Variants in LYST observed in about 807,000 individuals in gnomAD.
The protein encoded by LYST is lysosomal-trafficking regulator.
Under a neutral mutation model 413.6 loss-of-function variants are expected in LYST, and 192 were observed. The ratio of observed to expected loss-of-function variants is 0.46; its 90% CI spans 0.41 to 0.52. The LOEUF (loss-of-function observed/expected upper bound fraction) is 0.52, where lower values mean the gene tolerates loss of function less well. LYST is among the 20% of genes least tolerant of loss of function. The pLI is 0.00. For synonymous variants in LYST, 1,525 were observed against 1,567.3 expected, an observed-to-expected ratio of 0.97 and a Z score of 0.64; for missense variants, 3,815 against 4,499.9, an observed-to-expected ratio of 0.85 and a Z score of 4.35.
At chr1:235,712,848 A>G in intron 42 of LYST, 1 of 985,196 alleles carries the variant, frequency 1.0e-6, no homozygotes, top group South Asian at 4.7e-5. Flanking sequence ...ATAAAGAATT[A>G]AGTTTGGACT....
At chr1:235,751,129 A>T in intron 28 of LYST, 81 bp downstream of exon 28, 2 of 1,311,662 alleles carry the variant, frequency 1.5e-6, no homozygotes, top group African/African-American at 1.4e-5. Context: ...GAAATATTTT[A>T]AAAGTGTGAA....
intron 22 of LYST, among the ~76,000 whole-genome samples, chr1:235,761,132 T>C (rs1387087668): frequency 2.0e-5 from 3 of 151,976 alleles, no homozygotes; most frequent in African/African-American, 2.4e-5. Context: ...GGAAAACTAA[T>C]AAAAACATAG....
chr1:235,836,829 C>T (rs777533850), intron 1 of LYST, among the ~76,000 whole-genome samples: 10 of 152,074 alleles, frequency 6.6e-5, no homozygotes, highest in African/African-American at 2.2e-4. Flanking sequence ...GGGAAAATAA[C>T]GTTCAGTTTT....
chr1:235,872,295 CAAAAAAAA>C (rs3077214), intron 1 of LYST, among the ~76,000 whole-genome samples: 6 of 107,670 alleles, frequency 5.6e-5, no homozygotes, highest in South Asian at 3.0e-4. Context: ...CATTCTGTCT[CAAAAAAAA>C]AAAAAAAAAA....
At chr1:235,845,408 G>T (rs182316335) in intron 1 of LYST, among the ~76,000 whole-genome samples, 5 of 152,266 alleles carry the variant, frequency 3.3e-5, no homozygotes, top group African/African-American at 1.2e-4. Flanking sequence ...GGCTAGAGGA[G>T]CAGGGGGTAA....
At chr1:235,750,965 GT>G (rs944909559) in intron 28 of LYST, among the ~76,000 whole-genome samples, 11 of 152,164 alleles carry the variant, frequency 7.2e-5, no homozygotes, top group African/African-American at 2.6e-4. Flanking sequence ...ATCTGTGTCT[GT>G]TTTTTTCATC....
intron 11 of LYST, 97 bp downstream of exon 11, chr1:235,793,406 C>T: frequency 3.1e-6 from 2 of 637,182 alleles, no homozygotes; most frequent in Non-Finnish European, 2.8e-6. Context: ...AAAGAAAGAG[C>T]TTAGTAACAT....
In LYST at chr1:235,661,965, A is replaced by G. The variant is rs1176614799; in HGVS notation, c.*975T>C. The stretch of plus-strand genomic sequence containing the variant: ...AAACAGAATGAAATGGTTTCCTAAA[A>G]GAATTATTCTGCCTCCTGTTTAAAG... On this transcript the variant is annotated 3_prime_UTR_variant, in exon 53 of 53. Transcript: ENST00000389793. 6.6e-6 allele frequency: 1 copy of G among 152,252 alleles called. No individual in the cohort carries two copies. Among genetic ancestry groups the G allele is most frequent in the Non-Finnish European group, 1.5e-5 (1 of 68,040 alleles). 9.4% of individuals were successfully genotyped at this position (152,252 alleles called of 1,614,324 possible). A position where few individuals can be genotyped will look rare whatever the true frequency, so the allele number is the denominator to read the frequency against.
chr1:235,782,055 G>C lies in LYST; in HGVS notation c.4895C>G (p.Pro1632Arg). The change falls in exon 15 of 53, where the codon CCA (proline) becomes CGA (arginine). Residue 1632 changes from proline to arginine, a missense_variant. Around this residue, in one of 4 missense-constraint regions of LYST, gnomAD observed 530 missense variants for 696.5 expected, o/e 0.76. Transcript: ENST00000389793. ...ATCAGATGACAAACTTGTTTTTCTTGGAAGCATAAAATCCAAAGTAACATC... is the reference window on the plus strand; with the variant it reads ...ATCAGATGACAAACTTGTTTTTCTTCGAAGCATAAAATCCAAAGTAACATC... Reference protein sequence around the residue: ...KPDVTLDFMLPRKTSLSSDSN... With the variant: ...KPDVTLDFMLRRKTSLSSDSN... 6.2e-7 allele frequency: 1 copy of C among 1,612,566 alleles called. No homozygotes were observed. Among genetic ancestry groups the C allele is most frequent in the Non-Finnish European group, 8.5e-7 (1 of 1,178,860 alleles).
intron 1 of LYST, among the ~76,000 whole-genome samples, chr1:235,857,050 A>C (rs943471445): frequency 1.7e-4 from 26 of 149,530 alleles, no homozygotes; most frequent in African/African-American, 5.9e-4. Flanking sequence ...GGTTCAAGCG[A>C]TTCTCATGCC....
chr1:235,805,628 AATAT>A lies in LYST; in HGVS notation c.3393+111_3393+114del, dbSNP rs59550727. 383 of 353,782 alleles carry A rather than the reference AATAT, an allele frequency of 1.1e-3. 1 individual carries two copies. Among genetic ancestry groups the A allele is most frequent in the African/African-American group, 7.7e-3 (356 of 46,442 alleles). 21.9% of individuals were successfully genotyped at this position (353,782 alleles called of 1,614,324 possible). ...TATTATATGTTATATATAACACAATAATATATATATTACATATATTATGTAATAC... is the reference window on the plus strand; with the variant it reads ...TATTATATGTTATATATAACACAATAATATATTACATATATTATGTAATAC... On this transcript the variant is annotated intron_variant, in intron 6 of 52. Coordinates refer to ENST00000389793, the MANE Select transcript of LYST (RefSeq NM_000081.4).
At chr1:235,787,483 C>G (rs751733054) in intron 13 of LYST, 110 bp from the exon 14 acceptor site, 5 of 963,718 alleles carry the variant, frequency 5.2e-6, no homozygotes, top group Non-Finnish European at 8.1e-6. Context: ...AAAATCAGTT[C>G]TATTTTTTTT....
intron 20 of LYST, 37 bp downstream of exon 20, chr1:235,770,123 G>A (rs754095504): frequency 2.5e-6 from 4 of 1,604,200 alleles, no homozygotes; most frequent in Non-Finnish European, 3.4e-6. Flanking sequence ...AACAACTGTG[G>A]AATATATTTC....
intron 47 of LYST, among the ~76,000 whole-genome samples, chr1:235,692,680 A>G (rs1324006992): frequency 1.3e-5 from 2 of 151,790 alleles, no homozygotes; most frequent in African/African-American, 4.8e-5. Flanking sequence ...CACTGTGCCC[A>G]GCCAGTCTGA....
chr1:235,792,213 A>C, intron 11 of LYST, 88 bp from the exon 12 acceptor site: 1 of 834,334 alleles, frequency 1.2e-6, no homozygotes, highest in South Asian at 1.5e-5. Context: ...ATGAAAATAC[A>C]AACATACCCA....
chr1:235,752,304 G>T, intron 26 of LYST, 133 bp from the exon 27 acceptor site: 2 of 647,874 alleles, frequency 3.1e-6, no homozygotes, highest in Non-Finnish European at 5.4e-6. Flanking sequence ...CAGTCATTCA[G>T]TATTTATTCA....
rs112529148 is a variant in LYST, at chr1:235,697,468, A to T, written c.10375-196T>A. Reference sequence around the variant, plus strand: ...AATATTTGTCCCTTATTTGAGTTTTACTCTGTGGTTCTGGCCTAATTTGCA... The same window carrying T: ...AATATTTGTCCCTTATTTGAGTTTTTCTCTGTGGTTCTGGCCTAATTTGCA... On this transcript the variant is annotated intron_variant, in intron 45 of 52. Transcript: ENST00000389793. Among the ~76,000 whole-genome samples the T allele has an allele frequency of 4.8e-3, 723 of 152,110 alleles. 4 individuals are homozygous for T. Among genetic ancestry groups the T allele is most frequent in the African/African-American group, 0.017 (685 of 41,504 alleles).
intron 14 of LYST, among the ~76,000 whole-genome samples, chr1:235,785,281 T>C (rs1292039760): frequency 6.6e-6 from 1 of 152,224 alleles, no homozygotes; most frequent in Non-Finnish European, 1.5e-5. Context: ...TTTTAAAGCA[T>C]GGGCCTCACA....
intron 48 of LYST, among the ~76,000 whole-genome samples, chr1:235,683,398 G>A (rs1659979485): frequency 1.3e-5 from 2 of 152,180 alleles, no homozygotes; most frequent in South Asian, 2.1e-4. Flanking sequence ...TACTTACTTC[G>A]TGACAGAATA....
Sources: allele counts gnomAD v4.1 joint callset (sites outside exome capture counted in the v4.1 genomes callset), GRCh38; gene constraint gnomAD v4.1.1; regional missense constraint gnomAD v4.1.1; transcripts MANE v1.5; gene names NCBI Gene and HGNC (gene_info 2026-07-23, HGNC 2026-07-21).